Variants in ANKHD1 observed in about 807,000 individuals in gnomAD.
ANKHD1 encodes the protein ankyrin repeat and KH domain containing 1.
Under a neutral mutation model 230.5 loss-of-function variants are expected in ANKHD1, and 31 were observed. The observed-to-expected ratio is 0.13, with a 90% CI of 0.10 to 0.18. The LOEUF is 0.18. Ranked by LOEUF, ANKHD1 falls within the 10% of genes least tolerant of loss-of-function variation. The probability of loss-of-function intolerance (pLI) is 1.00; values close to 1 mark genes in which losing one functional copy is unlikely to be tolerated. For synonymous variants in ANKHD1, 1,074 were observed against 1,117.6 expected, an observed-to-expected ratio of 0.96 and a Z score of 0.78; for missense variants, 2,256 against 3,071.3, an observed-to-expected ratio of 0.73 and a Z score of 6.27.
rs1316143898 is a variant in ANKHD1 at position 140,506,918 on chromosome 5, T to C, written c.3492T>C (p.Ser1164=). 5.0e-6 allele frequency: 8 copies of C among 1,614,166 alleles called. No homozygotes were observed. The highest frequency in any genetic ancestry group is 4.5e-5 in the East Asian group (2 of 44,876). ...ATACACCACTGAGTCTAGCTGCGTC[T>C]GGAGGATATGTTAATATCATTAAGA... is the stretch of plus-strand genomic sequence containing the variant. ...SDYTPLSLAA[S]GGYVNIIKIL... is the part of the protein sequence containing the mutation. The change falls in exon 19 of 34, where the codon TCT becomes TCC. Residue 1164 remains serine (S), a synonymous_variant. Transcript: ENST00000360839. The surrounding 1 kb of genome is among the most constrained non-coding windows in gnomAD (Gnocchi z 4.7).
rs1330968582 is a variant in ANKHD1, at chr5:140,454,948, A to T, written c.1243-3677A>T. 4.0e-5 allele frequency among the ~76,000 whole-genome samples: 6 copies of T among 151,838 alleles called. No homozygotes were observed. The East Asian group carries it at 1.2e-3, about 29-fold the overall frequency. On this transcript the variant is annotated intron_variant, in intron 7 of 33. Coordinates refer to ENST00000360839, the MANE Select transcript of ANKHD1 (RefSeq NM_017747.3). ...AGGAGCTGGTTTTTTGAAAAGATCAACAAAGTTGGTAGACTTCTAGCAAGA... is the reference window on the plus strand; with the variant it reads ...AGGAGCTGGTTTTTTGAAAAGATCATCAAAGTTGGTAGACTTCTAGCAAGA...
chr5:140,528,596 TCTC>T lies in ANKHD1; in HGVS notation c.5653_5655del (p.Pro1885del), dbSNP rs1433087800. 2 of 1,614,040 alleles carry T rather than the reference TCTC, an allele frequency of 1.2e-6. No homozygotes were observed. The highest frequency in any genetic ancestry group is 1.7e-5 in the Admixed American group (1 of 60,002). ...CCAGTTTGGAGGAACCTTCTCACCTTCTCCTAACACATGGGGACCATTCCCAGT... is the reference window on the plus strand; with the variant it reads ...CCAGTTTGGAGGAACCTTCTCACCTTCTAACACATGGGGACCATTCCCAGT... On this transcript the variant is annotated inframe_deletion, in exon 29 of 34. Transcript: ENST00000360839.
At chr5:140,533,775 CAAAAAAAAAAAA>C (rs1167136822) in intron 29 of ANKHD1, among the ~76,000 whole-genome samples, 3 of 29,662 alleles carry the variant, frequency 1.0e-4, no homozygotes, top group Non-Finnish European at 2.2e-4. Flanking sequence ...GACCCTGTCT[CAAAAAAAAAAAA>C]AAAAAAAAAA....
chr5:140,406,940 G>A (rs536128907), intron 1 of ANKHD1, among the ~76,000 whole-genome samples: 6 of 152,280 alleles, frequency 3.9e-5, no homozygotes, highest in East Asian at 1.9e-4. Context: ...AGCTAGCACT[G>A]CATTGAATCC....
Position 140,506,998 on chromosome 5 carries a change from T to C in ANKHD1, c.3551+21T>C. 7 of 1,610,462 alleles carry C rather than the reference T, an allele frequency of 4.3e-6. No individual in the cohort carries two copies. The highest frequency in any genetic ancestry group is 5.9e-6 in the Non-Finnish European group (7 of 1,178,746). ...TCAAGGTATTGCCTGTTCATTTTAT[T>C]GTTCATGTTTAGTAAGTTACTACTT... On this transcript the variant is annotated intron_variant, in intron 19 of 33. Coordinates refer to ENST00000360839, the MANE Select transcript of ANKHD1 (RefSeq NM_017747.3). This position sits in a 1 kb window ranked among gnomAD's most constrained non-coding sequence, Gnocchi z 4.7.
intron 1 of ANKHD1, among the ~76,000 whole-genome samples, chr5:140,415,908 G>A (rs1771337297): frequency 6.6e-6 from 1 of 151,912 alleles, no homozygotes; most frequent in South Asian, 2.1e-4. Flanking sequence ...ATGTACATTA[G>A]GTATATTTCC....
At chr5:140,448,019 A>T in intron 6 of ANKHD1, among the ~76,000 whole-genome samples, 1 of 152,172 alleles carries the variant, frequency 6.6e-6, no homozygotes, top group East Asian at 1.9e-4. Context: ...GCAGTAACTC[A>T]CACCTATAAT....
intron 7 of ANKHD1, among the ~76,000 whole-genome samples, chr5:140,454,518 G>C (rs1386465239): frequency 6.6e-6 from 1 of 152,146 alleles, no homozygotes; most frequent in Non-Finnish European, 1.5e-5. Context: ...CTGTCTCTCA[G>C]ACCACAATGC....
At chr5:140,465,916 C>T (rs879905533) in intron 10 of ANKHD1, among the ~76,000 whole-genome samples, 2 of 151,792 alleles carry the variant, frequency 1.3e-5, no homozygotes, top group Non-Finnish European at 1.5e-5. Context: ...TGCTTTGAGT[C>T]GTCTATAAAA....
chr5:140,464,670 C>T lies in ANKHD1; in HGVS notation c.1676C>T (p.Ala559Val). The change falls in exon 10 of 34, where the codon GCT (alanine) becomes GTT (valine). Residue 559 changes from alanine (A) to valine (V), a missense_variant. Coordinates refer to ENST00000360839, the MANE Select transcript of ANKHD1 (RefSeq NM_017747.3). ...TGTATGCTTTTTTGTTTGCTAGGCG[C>T]TAATGTGCATGCTACAACAGCAACA... is the stretch of plus-strand genomic sequence containing the variant. Reference protein sequence around the residue: ...ELVKYLLASGANVHATTATGD... With the variant: ...ELVKYLLASGVNVHATTATGD... The T allele has an allele frequency of 6.4e-7, 1 of 1,568,630 alleles. No individual in the cohort carries two copies. Among genetic ancestry groups the T allele is most frequent in the Non-Finnish European group, 8.7e-7 (1 of 1,150,026 alleles).
chr5:140,404,644 A>T (rs1273272159), intron 1 of ANKHD1, among the ~76,000 whole-genome samples: 1 of 151,740 alleles, frequency 6.6e-6, no homozygotes, highest in Non-Finnish European at 1.5e-5. Flanking sequence ...CATGTTGGCC[A>T]GGTGGGTCTC....
In ANKHD1 at chr5:140,485,510, ACTGTTTAAATGAGTTTTGATT is replaced by A; in HGVS notation, c.1999-78_1999-58del. 6.4e-7 allele frequency: 1 copy of A among 1,567,694 alleles called. No homozygotes were observed. Among genetic ancestry groups the A allele is most frequent in the Admixed American group, 1.9e-5 (1 of 51,904 alleles). On this transcript the variant is annotated intron_variant, in intron 12 of 33. Coordinates refer to ENST00000360839, the MANE Select transcript of ANKHD1 (RefSeq NM_017747.3). This position sits in a 1 kb window ranked among gnomAD's most constrained non-coding sequence, Gnocchi z 4.8. Reference sequence around the variant, plus strand: ...TCTATCTTAGTGCTTAGTATTTAATACTGTTTAAATGAGTTTTGATTTTATATGAGCTGCTAAGAAACTATA... The same window carrying A: ...TCTATCTTAGTGCTTAGTATTTAATATTATATGAGCTGCTAAGAAACTATA...
Position 140,458,659 on chromosome 5 carries a change from A to T in ANKHD1, c.1277A>T (p.Asp426Val), listed in dbSNP as rs1447790407. 9 of 1,606,442 alleles carry T rather than the reference A, an allele frequency of 5.6e-6. No homozygotes were observed. The highest frequency in any genetic ancestry group is 7.7e-6 in the Non-Finnish European group (9 of 1,175,418). Residue 426 changes from aspartate (D) to valine (V), a missense_variant, in exon 8 of 34, where the codon GAT (aspartate) becomes GTT (valine). Asp to Val is a radical substitution (Grantham distance 152). This residue lies in a region of ANKHD1 where 179 missense variants were observed against 261.8 expected (regional missense o/e 0.68). Transcript: ENST00000360839. Reference sequence around the variant, plus strand: ...GTAGAGGTGGCACGTTTGCTTTTGGATAGTGGTGCTCAAGTGAACATGCCT... The same window carrying T: ...GTAGAGGTGGCACGTTTGCTTTTGGTTAGTGGTGCTCAAGTGAACATGCCT... Reference protein sequence around the residue: ...GHVEVARLLLDSGAQVNMPAD... With the variant: ...GHVEVARLLLVSGAQVNMPAD...
At position 140,458,876 on chromosome 5, in the gene ANKHD1, A is replaced by G. The variant is rs1561754399; in HGVS notation, c.1480+14A>G. 1.3e-6 allele frequency: 2 copies of G among 1,579,390 alleles called. No homozygotes were observed. The highest frequency in any genetic ancestry group is 1.1e-5 in the South Asian group (1 of 86,976). ...TCTTAGCACAAGGTAAAGCAGTTTT[A>G]CTTCTTTTAGAAAAATCAGTTTTCT... On this transcript the variant is annotated intron_variant, in intron 8 of 33. Coordinates refer to ENST00000360839, the MANE Select transcript of ANKHD1 (RefSeq NM_017747.3).
intron 10 of ANKHD1, among the ~76,000 whole-genome samples, chr5:140,477,355 T>C (rs1307277918): frequency 6.6e-6 from 1 of 152,176 alleles, no homozygotes; most frequent in African/African-American, 2.4e-5. Context: ...GAATCAAACA[T>C]AAAATGATTG....
intron 4 of ANKHD1, 117 bp from the exon 5 acceptor site, chr5:140,440,878 T>C (rs895456488): frequency 9.4e-6 from 12 of 1,278,876 alleles, no homozygotes; most frequent in East Asian, 6.0e-5. Flanking sequence ...AAGGTCATTA[T>C]TGATTTTTTC....
intron 1 of ANKHD1, among the ~76,000 whole-genome samples, chr5:140,415,944 G>T (rs1392031765): frequency 1.3e-5 from 2 of 151,408 alleles, no homozygotes; most frequent in East Asian, 1.9e-4. Context: ...CCCCTCCCCT[G>T]ACCCCACGAC....
chr5:140,496,613 A>G lies in ANKHD1; in HGVS notation c.2339A>G (p.Glu780Gly). 6.2e-7 allele frequency: 1 copy of G among 1,613,694 alleles called. No homozygotes were observed. Among genetic ancestry groups the G allele is most frequent in the Non-Finnish European group, 8.5e-7 (1 of 1,179,960 alleles). ...HPYQPLECIVEETEGKLNELG... is the reference protein window; with the variant it reads ...HPYQPLECIVGETEGKLNELG... ...TACCAGCCTTTGGAGTGCATAGTAG[A>G]GGAGACTGAAGGCAAGCTGAATGAA... Residue 780 changes from glutamate to glycine, a missense_variant, in exon 15 of 34, where the codon GAG (glutamate) becomes GGG (glycine). This residue lies in a region of ANKHD1 where 358 missense variants were observed against 397.7 expected (regional missense o/e 0.90). Transcript: ENST00000360839.
chr5:140,401,997 C>A lies in ANKHD1; in HGVS notation c.30C>A (p.Thr10=). The A allele has an allele frequency of 6.4e-7, 1 of 1,556,340 alleles. No homozygotes were observed. The highest frequency in any genetic ancestry group is 8.6e-7 in the Non-Finnish European group (1 of 1,156,200). Reference sequence around the variant, plus strand: ...TGACTGATAGCGGAGGCGGCGGCACCTCCTTTGAGGAGGACCTGGACTCTG... The same window carrying A: ...TGACTGATAGCGGAGGCGGCGGCACATCCTTTGAGGAGGACCTGGACTCTG... The part of the protein sequence containing the change: MLTDSGGGG[T]SFEEDLDSVA... The change falls in exon 1 of 34, where the codon ACC becomes ACA. Residue 10 remains threonine (T), a synonymous_variant. Coordinates refer to ENST00000360839, the MANE Select transcript of ANKHD1 (RefSeq NM_017747.3).
Sources: gnomAD v4.1 joint callset for allele counts (sites outside exome capture counted in the v4.1 genomes callset) on GRCh38, gnomAD v4.1.1 for gene constraint, gnomAD v4.1.1 regional missense constraint, Gnocchi (gnomAD v3.1) non-coding constraint, MANE v1.5 for transcripts, NCBI Gene and HGNC (gene_info 2026-07-23, HGNC 2026-07-21) for gene names.